INPP4B: variants seen among roughly 807,000 people sequenced by gnomAD.
INPP4B encodes the protein inositol polyphosphate 4-phosphatase type II.
A neutral mutation model predicts 122.5 loss-of-function variants in INPP4B; 55 were observed. The observed-to-expected ratio is 0.45, with a 90% CI of 0.36 to 0.56. INPP4B has a LOEUF of 0.56. Ranked by LOEUF, INPP4B falls within the 20% of genes least tolerant of loss-of-function variation. The pLI, the probability that INPP4B is intolerant of heterozygous loss-of-function variation, is 0.00. For missense variants in INPP4B, 1,000 were observed against 1,097.7 expected, an observed-to-expected ratio of 0.91 and a Z score of 1.26; for synonymous variants, 403 against 388.7, an observed-to-expected ratio of 1.04 and a Z score of -0.43.
At chr4:142,152,198 C>CG (rs1201753931) in intron 17 of INPP4B, among the ~76,000 whole-genome samples, 2 of 150,104 alleles carry the variant, frequency 1.3e-5, no homozygotes, top group Non-Finnish European at 3.0e-5. Context: ...CTCAGCCTCC[C>CG]GGAGTAGCTG....
At chr4:142,262,253 C>G (rs1297288123) in intron 10 of INPP4B, among the ~76,000 whole-genome samples, 1 of 152,170 alleles carries the variant, frequency 6.6e-6, no homozygotes, top group Non-Finnish European at 1.5e-5. Context: ...AGTACACGAT[C>G]TGTTTCTCCC....
intron 2 of INPP4B, among the ~76,000 whole-genome samples, chr4:142,641,446 T>A (rs1321492434): frequency 1.5e-5 from 2 of 131,386 alleles, no homozygotes; most frequent in African/African-American, 5.6e-5. Context: ...CAGGCCCCGT[T>A]GTGTGATGTT....
intron 2 of INPP4B, among the ~76,000 whole-genome samples, chr4:142,631,950 C>T (rs1314201215): frequency 6.6e-6 from 1 of 152,100 alleles, no homozygotes; most frequent in Non-Finnish European, 1.5e-5. Flanking sequence ...ACAGACAGAT[C>T]TCCACACTGT....
chr4:142,236,786 C>T (rs147303833), intron 12 of INPP4B, among the ~76,000 whole-genome samples: 360 of 152,192 alleles, frequency 2.4e-3, no homozygotes, highest in South Asian at 8.7e-3. Context: ...GGAATCCCTA[C>T]GGGCTTCAGA....
intron 2 of INPP4B, among the ~76,000 whole-genome samples, chr4:142,689,054 C>T (rs369737742): frequency 6.6e-6 from 1 of 152,162 alleles, no homozygotes; most frequent in African/African-American, 2.4e-5. Flanking sequence ...CCTTAAAAAC[C>T]CCTATCCCTG....
chr4:142,571,031 T>A (rs1277131249), intron 2 of INPP4B, among the ~76,000 whole-genome samples: 4 of 150,972 alleles, frequency 2.6e-5, no homozygotes, highest in Admixed American at 1.3e-4. Context: ...GAAATTACCC[T>A]TTCATGAGAC....
chr4:142,055,621 A>C (rs1757217531), intron 25 of INPP4B, among the ~76,000 whole-genome samples: 1 of 126,762 alleles, frequency 7.9e-6, no homozygotes, highest in Non-Finnish European at 1.7e-5. Flanking sequence ...AGTAATCATA[A>C]AGTGGTTAAA....
chr4:142,716,484 C>G (rs1490603124), intron 2 of INPP4B, among the ~76,000 whole-genome samples: 2 of 152,114 alleles, frequency 1.3e-5, no homozygotes, highest in Non-Finnish European at 2.9e-5. Context: ...TTATCTTCCC[C>G]AAACGGCAGA....
chr4:142,715,800 T>C (rs895852510), intron 2 of INPP4B, among the ~76,000 whole-genome samples: 4 of 152,320 alleles, frequency 2.6e-5, no homozygotes, highest in African/African-American at 9.6e-5. Flanking sequence ...GCTGGGACCA[T>C]GGGGAGATAG....
At chr4:142,653,604 C>G (rs1176470849) in intron 2 of INPP4B, among the ~76,000 whole-genome samples, 2 of 152,108 alleles carry the variant, frequency 1.3e-5, no homozygotes, top group Non-Finnish European at 2.9e-5. Flanking sequence ...ATGCAGCCAA[C>G]AGACACATGA....
chr4:142,432,627 A>G (rs1809571140), intron 3 of INPP4B, among the ~76,000 whole-genome samples: 1 of 152,086 alleles, frequency 6.6e-6, no homozygotes, highest in Non-Finnish European at 1.5e-5. Flanking sequence ...GTCTTTTCTG[A>G]TAAGAACACA....
chr4:142,564,072 A>G (rs1731057248), intron 2 of INPP4B, among the ~76,000 whole-genome samples: 1 of 152,256 alleles, frequency 6.6e-6, no homozygotes. Context: ...AACAAAAGAT[A>G]GTAGATAGAA....
At chr4:142,606,035 T>C (rs1369619918) in intron 2 of INPP4B, among the ~76,000 whole-genome samples, 2 of 151,988 alleles carry the variant, frequency 1.3e-5, no homozygotes, top group African/African-American at 2.4e-5. Context: ...AAATGTGGTA[T>C]ACATATGCAA....
At chr4:142,576,580 T>TA (rs1326434008) in intron 2 of INPP4B, among the ~76,000 whole-genome samples, 2 of 151,804 alleles carry the variant, frequency 1.3e-5, no homozygotes, top group African/African-American at 4.8e-5. Context: ...ACCAAAGCCA[T>TA]AAAAGAAATT....
At chr4:142,351,037 T>C (rs556800789) in intron 7 of INPP4B, among the ~76,000 whole-genome samples, 108 of 152,136 alleles carry the variant, frequency 7.1e-4, no homozygotes, top group Non-Finnish European at 1.2e-3. Flanking sequence ...CTAGCTGTTT[T>C]GTTTGCCCAA....
At chr4:142,834,676 G>A (rs1782566513) in intron 1 of INPP4B, among the ~76,000 whole-genome samples, 1 of 152,176 alleles carries the variant, frequency 6.6e-6, no homozygotes, top group Non-Finnish European at 1.5e-5. Context: ...AGGGTCCCAA[G>A]TTAAATGTAG....
At chr4:142,135,393 AT>A (rs1803524987) in intron 18 of INPP4B, among the ~76,000 whole-genome samples, 1 of 151,856 alleles carries the variant, frequency 6.6e-6, no homozygotes. Flanking sequence ...AATTTATCAC[AT>A]TTTAGCAATT....
chr4:142,059,412 C>T lies in INPP4B; in HGVS notation c.2642+22619G>A, dbSNP rs192142334. ...GAAATTCTGTTTCCATTAAGTAGTT[C>T]GTACTTAATACCCTAAAAGACTTAA... On this transcript the variant is annotated intron_variant, in intron 25 of 25. Transcript: ENST00000262992. 2.3e-4 allele frequency among the ~76,000 whole-genome samples: 35 copies of T among 152,146 alleles called. No individual in the cohort carries two copies. In the East Asian group the frequency reaches 6.4e-3, roughly 28 times the overall value.
intron 1 of INPP4B, among the ~76,000 whole-genome samples, chr4:142,779,430 G>C (rs1242668053): frequency 6.6e-6 from 1 of 151,992 alleles, no homozygotes; most frequent in African/African-American, 2.4e-5. Flanking sequence ...ACCATCAAGA[G>C]TACAGACCAA....
Sources: allele counts gnomAD v4.1 joint callset (sites outside exome capture counted in the v4.1 genomes callset), GRCh38; gene constraint gnomAD v4.1.1; transcripts MANE v1.5; gene names NCBI Gene and HGNC (gene_info 2026-07-23, HGNC 2026-07-21).